CAMTA1: variants seen among roughly 807,000 people sequenced by gnomAD.
The protein encoded by CAMTA1 is calmodulin-binding transcription activator 1.
In CAMTA1, 27 loss-of-function variants were observed where a neutral mutation model predicts 170.9. The observed-to-expected ratio is 0.16, with a 90% CI of 0.12 to 0.22. CAMTA1 has a LOEUF of 0.22. Ranked by LOEUF, CAMTA1 falls within the 10% of genes least tolerant of loss-of-function variation. The pLI is 1.00. For synonymous variants in CAMTA1, 833 were observed against 891.5 expected (o/e 0.93, Z 1.17); for missense variants, 1,619 against 2,217.2 (o/e 0.73, Z 5.42).
At chr1:7,361,518 G>A (rs1271251566) in intron 5 of CAMTA1, among the ~76,000 whole-genome samples, 1 of 152,118 alleles carries the variant, frequency 6.6e-6, no homozygotes, top group African/African-American at 2.4e-5. Flanking sequence ...CTTCCTTCAG[G>A]GACTTCTGAG....
At chr1:7,148,322 CCA>C (rs201354214) in intron 4 of CAMTA1, among the ~76,000 whole-genome samples, 1 of 151,236 alleles carries the variant, frequency 6.6e-6, no homozygotes, top group East Asian at 2.0e-4. Flanking sequence ...TGTATGCCCC[CCA>C]CACACACACC....
rs561181739 is a variant in CAMTA1, at chr1:7,669,955, A to G, written c.2653-956A>G. Among the ~76,000 whole-genome samples the G allele has an allele frequency of 7.2e-5, 11 of 152,334 alleles. No homozygotes were observed. In the South Asian group the frequency reaches 2.1e-3, roughly 29 times the overall value. On this transcript the variant is annotated intron_variant, in intron 9 of 22. Transcript: ENST00000303635. ...AAGCAGGACTGCCCGGGCCCCGGAC[A>G]TGAGGCCACCCTCCTCCTCCACTTT...
intron 3 of CAMTA1, among the ~76,000 whole-genome samples, chr1:6,956,277 A>G (rs1394895669): frequency 6.6e-6 from 1 of 152,152 alleles, no homozygotes; most frequent in Non-Finnish European, 1.5e-5. Context: ...CCTTCCCTCC[A>G]GGTGAATACT....
At position 7,398,017 on chromosome 1, in the gene CAMTA1, T is replaced by A. The variant is rs572850140; in HGVS notation, c.439-69813T>A. 2.0e-5 allele frequency among the ~76,000 whole-genome samples: 3 copies of A among 151,414 alleles called. No homozygotes were observed. The South Asian group carries it at 6.3e-4, about 32-fold the overall frequency. On this transcript the variant is annotated intron_variant, in intron 5 of 22. Coordinates refer to ENST00000303635, the MANE Select transcript of CAMTA1 (RefSeq NM_015215.4). Reference sequence around the variant, plus strand: ...AGGTCCATTTGATCTAGAGTTTAGTTTAAATATAATGTTTCTATGTTGATT... The same window carrying A: ...AGGTCCATTTGATCTAGAGTTTAGTATAAATATAATGTTTCTATGTTGATT...
chr1:6,890,842 A>G (rs1674360063), intron 3 of CAMTA1, among the ~76,000 whole-genome samples: 1 of 152,126 alleles, frequency 6.6e-6, no homozygotes, highest in Non-Finnish European at 1.5e-5. Flanking sequence ...AAATGCTAGG[A>G]TTATAGGTGA....
intron 3 of CAMTA1, among the ~76,000 whole-genome samples, chr1:7,019,038 TG>T (rs1481597808): frequency 6.6e-6 from 1 of 152,200 alleles, no homozygotes; most frequent in African/African-American, 2.4e-5. Flanking sequence ...AGGGCCTTGG[TG>T]GGCGGGGTGG....
At chr1:7,126,906 G>A (rs1644965853) in intron 4 of CAMTA1, among the ~76,000 whole-genome samples, 1 of 152,174 alleles carries the variant, frequency 6.6e-6, no homozygotes, top group South Asian at 2.1e-4. Flanking sequence ...GAGTAACTGG[G>A]ACTACAGGCG....
chr1:6,931,099 C>A (rs967949279), intron 3 of CAMTA1, among the ~76,000 whole-genome samples: 19 of 152,174 alleles, frequency 1.2e-4, no homozygotes, highest in African/African-American at 4.3e-4. Flanking sequence ...CAAAAAGAAA[C>A]CTCCGTTCAT....
rs141254981 is a variant in CAMTA1, at chr1:7,530,082, C to G, written c.510+62181C>G. On this transcript the variant is annotated intron_variant, in intron 6 of 22. Coordinates refer to ENST00000303635, the MANE Select transcript of CAMTA1 (RefSeq NM_015215.4). ...CTGGGGAGGGCTCGTCAGCTCCACC[C>G]ACAGCCCTTGCTACCCTCCCTTCTC... 4.1e-3 allele frequency among the ~76,000 whole-genome samples: 621 copies of G among 152,260 alleles called. 8 individuals are homozygous for G. Among genetic ancestry groups the G allele is most frequent in the African/African-American group, 0.014 (595 of 41,556 alleles).
At chr1:7,741,623 G>A (rs1001494600) in intron 16 of CAMTA1, among the ~76,000 whole-genome samples, 2 of 152,058 alleles carry the variant, frequency 1.3e-5, no homozygotes, top group Non-Finnish European at 1.5e-5. Flanking sequence ...GGACAGGTGC[G>A]GTGGCTCATG....
At chr1:7,678,501 T>G (rs968011133) in intron 11 of CAMTA1, among the ~76,000 whole-genome samples, 3 of 152,164 alleles carry the variant, frequency 2.0e-5, no homozygotes, top group African/African-American at 4.8e-5. Flanking sequence ...GTGGTTCCCC[T>G]TGGGGTACCA....
chr1:7,753,482 A>T (rs778726959), intron 21 of CAMTA1, among the ~76,000 whole-genome samples: 1 of 152,234 alleles, frequency 6.6e-6, no homozygotes, highest in Non-Finnish European at 1.5e-5. Flanking sequence ...CTATTTAATT[A>T]TACCAAAAGT....
chr1:7,709,643 C>G (rs1022043771), intron 11 of CAMTA1, among the ~76,000 whole-genome samples: 2 of 152,186 alleles, frequency 1.3e-5, no homozygotes, highest in Non-Finnish European at 2.9e-5. Flanking sequence ...AGAATATTGG[C>G]CAGAAGCCCA....
intron 3 of CAMTA1, among the ~76,000 whole-genome samples, chr1:7,018,305 G>A (rs965050784): frequency 6.6e-6 from 1 of 152,076 alleles, no homozygotes; most frequent in African/African-American, 2.4e-5. Flanking sequence ...AAGAAGTCAT[G>A]GAGGCAGTGA....
intron 3 of CAMTA1, among the ~76,000 whole-genome samples, chr1:7,027,013 G>A (rs954833754): frequency 6.6e-6 from 1 of 152,082 alleles, no homozygotes; most frequent in Non-Finnish European, 1.5e-5. Context: ...TTATGGTGGT[G>A]GCTTTTCTTG....
At chr1:6,867,222 C>A (rs185569075) in intron 3 of CAMTA1, among the ~76,000 whole-genome samples, 9 of 152,250 alleles carry the variant, frequency 5.9e-5, no homozygotes, top group East Asian at 1.9e-4. Flanking sequence ...TTCTGCCCAC[C>A]CTTCTCCTCC....
chr1:7,685,837 G>A lies in CAMTA1; in HGVS notation c.2914+8104G>A, dbSNP rs1385383691. On this transcript the variant is annotated intron_variant, in intron 11 of 22. Transcript: ENST00000303635. The surrounding 1 kb of genome is among the most constrained non-coding windows in gnomAD (Gnocchi z 5.7). ...CCAGTAGGTCCCAGACAGGACAAAT[G>A]GCCGTTCTTTCTGTTTTCCCCAACC... 6.6e-6 allele frequency among the ~76,000 whole-genome samples: 1 copy of A among 152,152 alleles called. No homozygotes were observed. Among genetic ancestry groups the A allele is most frequent in the Non-Finnish European group, 1.5e-5 (1 of 68,034 alleles).
chr1:6,899,129 GT>G (rs1676306699), intron 3 of CAMTA1, among the ~76,000 whole-genome samples: 1 of 152,152 alleles, frequency 6.6e-6, no homozygotes, highest in Admixed American at 6.5e-5. Context: ...TGCCCAGTCT[GT>G]TTCCCCATCT....
intron 6 of CAMTA1, among the ~76,000 whole-genome samples, chr1:7,496,539 C>G (rs561775843): frequency 6.6e-6 from 1 of 152,204 alleles, no homozygotes; most frequent in Non-Finnish European, 1.5e-5. Context: ...AGTGTCTGCC[C>G]TGTACCCAGG....
Sources: gnomAD v4.1 joint callset for allele counts (sites outside exome capture counted in the v4.1 genomes callset) on GRCh38, gnomAD v4.1.1 for gene constraint, Gnocchi (gnomAD v3.1) non-coding constraint, MANE v1.5 for transcripts, NCBI Gene and HGNC (gene_info 2026-07-23, HGNC 2026-07-21) for gene names.